Variants in PRKCH observed in about 807,000 individuals in gnomAD.
PRKCH encodes the protein protein kinase C eta.
In PRKCH, 28 loss-of-function variants were observed where a neutral mutation model predicts 82.5. The ratio of observed to expected loss-of-function variants is 0.34; its 90% confidence interval spans 0.25 to 0.47. The LOEUF (loss-of-function observed/expected upper bound fraction) is 0.47. PRKCH is among the 20% of genes least tolerant of loss of function. The probability of loss-of-function intolerance (pLI) is 1.00; values close to 1 mark genes in which losing one functional copy is unlikely to be tolerated. For synonymous variants in PRKCH, 322 were observed against 327.4 expected (o/e 0.98, Z 0.18); for missense variants, 705 against 881.8 (o/e 0.80, Z 2.54).
At chr14:61,511,434 G>C (rs1296444957) in intron 10 of PRKCH, among the ~76,000 whole-genome samples, 1 of 152,160 alleles carries the variant, frequency 6.6e-6, no homozygotes, top group Non-Finnish European at 1.5e-5. Context: ...CTAGGAGTCA[G>C]ATTGGGGCAG....
intron 1 of PRKCH, among the ~76,000 whole-genome samples, chr14:61,211,860 G>A (rs1174533005): frequency 6.6e-6 from 1 of 152,164 alleles, no homozygotes; most frequent in African/African-American, 2.4e-5. Context: ...GAAACTCAGA[G>A]TGGAAAAAAT....
upstream of PRKCH, among the ~76,000 whole-genome samples, chr14:61,317,353 G>T (rs2045571290): frequency 6.6e-6 from 1 of 152,120 alleles, no homozygotes; most frequent in Non-Finnish European, 1.5e-5. Context: ...TACCCTAACA[G>T]GCTTCCACTC....
intron 1 of PRKCH, among the ~76,000 whole-genome samples, chr14:61,233,671 A>G (rs1044169120): frequency 6.6e-5 from 10 of 152,134 alleles, no homozygotes; most frequent in African/African-American, 1.7e-4. Flanking sequence ...TGCTGTTCTT[A>G]TAATAGTGAG....
chr14:61,511,435 A>T (rs1227656214), intron 10 of PRKCH, among the ~76,000 whole-genome samples: 1 of 152,118 alleles, frequency 6.6e-6, no homozygotes, highest in Non-Finnish European at 1.5e-5. Context: ...TAGGAGTCAG[A>T]TTGGGGCAGC....
intron 10 of PRKCH, among the ~76,000 whole-genome samples, chr14:61,524,035 G>A: frequency 6.6e-6 from 1 of 152,180 alleles, no homozygotes. Flanking sequence ...AATAAAAGTT[G>A]AAAAATATGT....
At chr14:61,371,910 A>G (rs1011042421) in intron 1 of PRKCH, among the ~76,000 whole-genome samples, 10 of 151,906 alleles carry the variant, frequency 6.6e-5, no homozygotes, top group Non-Finnish European at 1.0e-4. Context: ...TATTTATTCT[A>G]TCATTTATTT....
intron 1 of PRKCH, chr14:61,322,727 G>A (rs1337945513): frequency 7.2e-6 from 3 of 416,330 alleles, no homozygotes; most frequent in African/African-American, 5.9e-5. Context: ...TCGGGCAGGG[G>A]TCCAGGGCGG....
chr14:61,234,320 G>A (rs141031779), intron 1 of PRKCH, among the ~76,000 whole-genome samples: 1 of 152,144 alleles, frequency 6.6e-6, no homozygotes. Context: ...ATTAGGTAAG[G>A]GGGGGAAATT....
intron 4 of PRKCH, 119 bp from the exon 5 acceptor site, chr14:61,449,045 G>A (rs1884362081): frequency 5.9e-6 from 5 of 850,158 alleles, no homozygotes; most frequent in Non-Finnish European, 9.6e-6. Flanking sequence ...ACCAGCTGCT[G>A]TCAAGGGGGC....
chr14:61,337,480 A>C (rs554894662), intron 1 of PRKCH, among the ~76,000 whole-genome samples: 2 of 151,916 alleles, frequency 1.3e-5, no homozygotes, highest in South Asian at 2.1e-4. Flanking sequence ...GCAGTGGTAC[A>C]TACAATCTTA....
At chr14:61,224,936 C>A (rs1343005935) in intron 1 of PRKCH, among the ~76,000 whole-genome samples, 1 of 152,202 alleles carries the variant, frequency 6.6e-6, no homozygotes, top group Non-Finnish European at 1.5e-5. Flanking sequence ...GTGGTACTTT[C>A]CTAGCAGGAT....
chr14:61,392,624 G>C (rs1357465778), intron 2 of PRKCH, among the ~76,000 whole-genome samples: 1 of 151,966 alleles, frequency 6.6e-6, no homozygotes. Flanking sequence ...GGAGTTCTTT[G>C]TTTTCTGGAT....
intron 1 of PRKCH, among the ~76,000 whole-genome samples, chr14:61,240,640 G>A (rs11158331): frequency 0.94 from 141,600 of 151,368 alleles, 66,904 homozygotes; most frequent in Non-Finnish European, 1. Flanking sequence ...TTAAAGGAAA[G>A]TTCCACCGAG....
intron 1 of PRKCH, among the ~76,000 whole-genome samples, chr14:61,190,666 GTGTTT>G (rs2044400992): frequency 6.6e-6 from 1 of 152,168 alleles, no homozygotes; most frequent in African/African-American, 2.4e-5. Context: ...GCCTCTTGCT[GTGTTT>G]CCACTCTAGG....
At chr14:61,544,731 C>T (rs1391561522) in intron 12 of PRKCH, 2 of 152,330 alleles carry the variant, frequency 1.3e-5, no homozygotes, top group South Asian at 4.1e-4. Flanking sequence ...CTACTACTAA[C>T]ACTGCTACTA....
At chr14:61,527,437 A>G (rs929017880) in intron 10 of PRKCH, among the ~76,000 whole-genome samples, 1 of 152,192 alleles carries the variant, frequency 6.6e-6, no homozygotes, top group Non-Finnish European at 1.5e-5. Context: ...CTAAGTGATT[A>G]TCAAGCCTTA....
At chr14:61,457,902 C>T (rs768650300) in intron 9 of PRKCH, among the ~76,000 whole-genome samples, 11 of 152,138 alleles carry the variant, frequency 7.2e-5, no homozygotes, top group Non-Finnish European at 1.0e-4. Flanking sequence ...GAAGGAGCAC[C>T]GTGAGGGTTG....
chr14:61,366,757 T>C (rs1408684923), intron 1 of PRKCH, among the ~76,000 whole-genome samples: 1 of 152,102 alleles, frequency 6.6e-6, no homozygotes, highest in African/African-American at 2.4e-5. Flanking sequence ...CTCTGTACTT[T>C]ATGTTTATGT....
intron 2 of PRKCH, among the ~76,000 whole-genome samples, chr14:61,392,261 A>C (rs2046695163): frequency 6.6e-6 from 1 of 152,146 alleles, no homozygotes; most frequent in African/African-American, 2.4e-5. Flanking sequence ...ACTTTCATTT[A>C]TCTTGGATAA....
Sources: allele counts gnomAD v4.1 joint callset (sites outside exome capture counted in the v4.1 genomes callset), GRCh38; gene constraint gnomAD v4.1.1; transcripts MANE v1.5; gene names NCBI Gene and HGNC (gene_info 2026-07-23, HGNC 2026-07-21).